Variants in DPH5 observed in about 807,000 individuals in gnomAD.
DPH5 encodes diphthamide biosynthesis 5, also known as diphthine methyl ester synthase.
DPH5 carries 31 observed loss-of-function variants against 31.6 expected under a neutral mutation model. That is an observed-to-expected ratio of 0.98 (90% CI 0.74 to 1.32). The LOEUF (loss-of-function observed/expected upper bound fraction) is 1.32. Ranked by LOEUF, DPH5 falls within the 40% of genes most tolerant of loss-of-function variation. DPH5 has a pLI of 0.00. For missense variants in DPH5, 309 were observed against 335.7 expected (o/e 0.92, Z 0.62); for synonymous variants, 120 against 115.0 (o/e 1.04, Z -0.28).
intron 4 of DPH5, among the ~76,000 whole-genome samples, chr1:101,011,897 T>C (rs1289106713): frequency 1.8e-5 from 2 of 112,938 alleles, no homozygotes; most frequent in Non-Finnish European, 3.9e-5. Context: ...TATCAATTCT[T>C]TTTTTTTTTT....
At chr1:101,000,220 A>G (rs1039185496) in intron 5 of DPH5, among the ~76,000 whole-genome samples, 1 of 152,166 alleles carries the variant, frequency 6.6e-6, no homozygotes, top group African/African-American at 2.4e-5. Flanking sequence ...AGAGGCCAAA[A>G]TCATGGGCTT....
At chr1:101,018,163 T>A (rs912426122) in intron 3 of DPH5, among the ~76,000 whole-genome samples, 1 of 151,926 alleles carries the variant, frequency 6.6e-6, no homozygotes, top group Non-Finnish European at 1.5e-5. Flanking sequence ...AGAAAGGAGA[T>A]CCAAAAATGT....
intron 5 of DPH5, among the ~76,000 whole-genome samples, chr1:100,999,916 G>A (rs929937803): frequency 1.3e-5 from 2 of 151,854 alleles, no homozygotes; most frequent in African/African-American, 2.4e-5. Context: ...AGGCCGAGGC[G>A]GGTGGATCAT....
chr1:101,017,595 G>A (rs1430061235), intron 3 of DPH5, among the ~76,000 whole-genome samples: 1 of 152,134 alleles, frequency 6.6e-6, no homozygotes, highest in Non-Finnish European at 1.5e-5. Context: ...AGGCCCTACT[G>A]GGTAAAGCAA....
intron 6 of DPH5, among the ~76,000 whole-genome samples, chr1:100,993,585 T>TCC (rs1658030414): frequency 9.0e-6 from 1 of 111,360 alleles, no homozygotes; most frequent in South Asian, 2.6e-4. Context: ...TATATATATA[T>TCC]ATATATATAT....
chr1:100,993,750 AT>A (rs911011055), intron 6 of DPH5, among the ~76,000 whole-genome samples: 1,841 of 145,424 alleles, frequency 0.013, 38 homozygotes, highest in African/African-American at 0.04. Flanking sequence ...TAAAAAGGCA[AT>A]TTTTTTTTTT....
rs1176147591 is a variant in DPH5 at position 100,989,814 on chromosome 1, C to T, written c.*594G>A. 1 of 152,458 alleles carries T rather than the reference C, an allele frequency of 6.6e-6. No individual in the cohort carries two copies. The highest frequency in any genetic ancestry group is 1.5e-5 in the Non-Finnish European group (1 of 68,280). 9.4% of individuals were successfully genotyped at this position (152,458 alleles called of 1,614,324 possible). A position where few individuals can be genotyped will look rare whatever the true frequency, so the allele number is the denominator to read the frequency against. On this transcript the variant is annotated 3_prime_UTR_variant, in exon 8 of 8. Transcript: ENST00000370109. ...GATTCTGTCAGTGGATGTCTATCCA[C>T]AAGCTTTCCAGCCTGGTCTGCTTTA...
Position 101,025,357 on chromosome 1 carries a change from C to A in DPH5, c.87G>T (p.Val29=), listed in dbSNP as rs1660748028. 6.2e-7 allele frequency: 1 copy of A among 1,614,206 alleles called. No homozygotes were observed. The highest frequency in any genetic ancestry group is 1.7e-5 in the Admixed American group (1 of 60,024). The change falls in exon 2 of 8, where the codon GTG becomes GTT. Residue 29 remains valine (V), a synonymous_variant. Transcript: ENST00000370109. ...GGACTGAGGTGTAGGCTTCCAGATA[C>A]ACTCGACTGCAGCGTCTAACAACTT... ...GLEVVRRCSR[V]YLEAYTSVLT...
intron 3 of DPH5, among the ~76,000 whole-genome samples, chr1:101,018,431 G>A (rs926368620): frequency 3.3e-5 from 5 of 152,118 alleles, no homozygotes; most frequent in African/African-American, 1.2e-4. Context: ...TAGAGATGGG[G>A]TTTCGCCACA....
rs1440761557 is a variant in DPH5 at position 100,992,544 on chromosome 1, T to C, written c.634+93A>G. ...AGTACAATACAAAAATACTGACTCT[T>C]GCTTCCATAGTGGTATGAGATATTA... is the stretch of plus-strand genomic sequence containing the variant. On this transcript the variant is annotated intron_variant, in intron 7 of 7. Transcript: ENST00000370109. 3.6e-6 allele frequency: 3 copies of C among 839,358 alleles called. No individual in the cohort carries two copies. The Admixed American group carries it at 7.0e-5, about 20-fold the overall frequency. 52.0% of individuals were successfully genotyped at this position (839,358 alleles called of 1,614,324 possible).
At chr1:100,993,029 G>A (rs565335650) in intron 6 of DPH5, among the ~76,000 whole-genome samples, 3 of 151,000 alleles carry the variant, frequency 2.0e-5, no homozygotes, top group African/African-American at 4.8e-5. Context: ...GATACCTTTG[G>A]TAAAAACAAT....
intron 4 of DPH5, among the ~76,000 whole-genome samples, chr1:101,007,946 T>TA (rs1359805672): frequency 6.6e-6 from 1 of 152,180 alleles, no homozygotes; most frequent in Non-Finnish European, 1.5e-5. Flanking sequence ...TGCAAAATGT[T>TA]AAACAAATAC....
intron 3 of DPH5, among the ~76,000 whole-genome samples, chr1:101,017,797 T>C (rs1236188056): frequency 6.6e-6 from 1 of 152,236 alleles, no homozygotes; most frequent in East Asian, 1.9e-4. Context: ...AAAATAATCA[T>C]TAATTTGATT....
chr1:101,017,742 G>A (rs1252262651), intron 3 of DPH5, among the ~76,000 whole-genome samples: 1 of 152,114 alleles, frequency 6.6e-6, no homozygotes, highest in Non-Finnish European at 1.5e-5. Context: ...ATGCCCACCA[G>A]GGAAGCCTGT....
At chr1:101,016,903 G>C (rs1660122385) in intron 3 of DPH5, among the ~76,000 whole-genome samples, 2 of 152,198 alleles carry the variant, frequency 1.3e-5, no homozygotes, top group South Asian at 4.1e-4. Flanking sequence ...CCCAAGAAGA[G>C]AGAGAGAGTT....
chr1:101,016,847 T>C (rs1490517756), intron 3 of DPH5, among the ~76,000 whole-genome samples: 2 of 152,180 alleles, frequency 1.3e-5, no homozygotes, highest in Non-Finnish European at 2.9e-5. Flanking sequence ...GTAGGGTTAT[T>C]AATTGACCTA....
chr1:100,998,260 C>T (rs1020947150), intron 5 of DPH5, among the ~76,000 whole-genome samples: 8 of 152,118 alleles, frequency 5.3e-5, no homozygotes, highest in African/African-American at 1.9e-4. Context: ...CCCATCATCC[C>T]AGCACTTTGG....
chr1:101,005,571 T>C (rs549245603), intron 4 of DPH5, among the ~76,000 whole-genome samples: 43 of 152,204 alleles, frequency 2.8e-4, no homozygotes, highest in Non-Finnish European at 5.7e-4. Context: ...AGCTACAAGA[T>C]TTATTCTCAC....
At chr1:100,994,784 C>T (rs2101150982) in intron 6 of DPH5, among the ~76,000 whole-genome samples, 2 of 152,326 alleles carry the variant, frequency 1.3e-5, no homozygotes, top group Middle Eastern at 6.8e-3. Context: ...GCCTCAGCCT[C>T]CCAAAGTGCT....
Sources: allele counts gnomAD v4.1 joint callset (sites outside exome capture counted in the v4.1 genomes callset), GRCh38; gene constraint gnomAD v4.1.1; transcripts MANE v1.5; gene names NCBI Gene and HGNC (gene_info 2026-07-23, HGNC 2026-07-21).